PTPRG: variants seen among roughly 807,000 people sequenced by gnomAD.
The protein encoded by PTPRG is receptor-type tyrosine-protein phosphatase gamma.
PTPRG carries 102 observed loss-of-function variants against 165.3 expected under a neutral mutation model. The ratio of observed to expected loss-of-function variants is 0.62; its 90% confidence interval spans 0.53 to 0.73. The LOEUF is 0.73. Among genes scored for constraint, PTPRG ranks in the 30% least tolerant of loss-of-function variants. PTPRG has a pLI of 0.00. For missense variants in PTPRG, 1,866 were observed against 1,861.4 expected (o/e 1.00, Z -0.05); for synonymous variants, 675 against 669.5 (o/e 1.01, Z -0.13).
At chr3:62,147,568 C>A (rs773132780) in intron 6 of PTPRG, among the ~76,000 whole-genome samples, 2 of 152,080 alleles carry the variant, frequency 1.3e-5, no homozygotes, top group African/African-American at 4.8e-5. Flanking sequence ...CAACATGTTT[C>A]CTTTATTAGT....
intron 2 of PTPRG, among the ~76,000 whole-genome samples, chr3:61,947,662 G>C (rs1168451305): frequency 6.6e-6 from 1 of 152,182 alleles, no homozygotes; most frequent in Non-Finnish European, 1.5e-5. Flanking sequence ...TCCTGCCTCT[G>C]CCTGGGTTGG....
At chr3:61,761,510 G>A (rs1270428689) in intron 2 of PTPRG, among the ~76,000 whole-genome samples, 1 of 152,162 alleles carries the variant, frequency 6.6e-6, no homozygotes, top group Non-Finnish European at 1.5e-5. Flanking sequence ...CCCTGGAGGT[G>A]GAGGTTGCAG....
intron 5 of PTPRG, among the ~76,000 whole-genome samples, chr3:62,088,516 A>T (rs1389423234): frequency 6.6e-6 from 1 of 152,258 alleles, no homozygotes; most frequent in Non-Finnish European, 1.5e-5. Context: ...CTTGCATGCC[A>T]AAATATTTAA....
At chr3:62,141,665 C>T (rs1188456864) in intron 6 of PTPRG, among the ~76,000 whole-genome samples, 1 of 150,742 alleles carries the variant, frequency 6.6e-6, no homozygotes, top group East Asian at 2.0e-4. Flanking sequence ...TGTGGGGGGA[C>T]GAGGCTGGTG....
At chr3:62,165,298 A>G (rs1225507741) in intron 7 of PTPRG, among the ~76,000 whole-genome samples, 1 of 152,094 alleles carries the variant, frequency 6.6e-6, no homozygotes, top group Non-Finnish European at 1.5e-5. Context: ...TACTTCTCAT[A>G]TGATTTTAAG....
At chr3:61,621,047 A>ATG (rs201651526) in intron 1 of PTPRG, among the ~76,000 whole-genome samples, 34 of 97,158 alleles carry the variant, frequency 3.5e-4, no homozygotes, top group African/African-American at 1.1e-3. Context: ...ATATATATAT[A>ATG]TATATGTGTG....
At chr3:61,676,553 CACACACAA>C (rs1015144121) in intron 1 of PTPRG, among the ~76,000 whole-genome samples, 2 of 149,884 alleles carry the variant, frequency 1.3e-5, no homozygotes, top group Admixed American at 1.3e-4. Context: ...TACTTTCACA[CACACACAA>C]ACACACACAC....
intron 6 of PTPRG, among the ~76,000 whole-genome samples, chr3:62,135,006 C>T (rs1163921580): frequency 3.3e-5 from 5 of 152,106 alleles, no homozygotes; most frequent in African/African-American, 1.2e-4. Context: ...GGGGCAGTGG[C>T]TCATGCCTAT....
chr3:62,049,562 C>A (rs911520214), intron 4 of PTPRG, among the ~76,000 whole-genome samples: 1 of 3,186 alleles, frequency 3.1e-4, no homozygotes, highest in African/African-American at 4.7e-3. Context: ...TTGTCTTGCA[C>A]CCAGTATCAT....
intron 8 of PTPRG, among the ~76,000 whole-genome samples, chr3:62,182,377 A>C (rs994219316): frequency 6.6e-6 from 1 of 152,240 alleles, no homozygotes; most frequent in African/African-American, 2.4e-5. Flanking sequence ...CCAACATTTA[A>C]AATGTAAGGA....
chr3:62,189,215 T>A (rs1331451020), intron 8 of PTPRG, among the ~76,000 whole-genome samples: 2 of 152,084 alleles, frequency 1.3e-5, no homozygotes, highest in Non-Finnish European at 2.9e-5. Flanking sequence ...TCCTTCCGTT[T>A]CTGTCGCACT....
intron 2 of PTPRG, among the ~76,000 whole-genome samples, chr3:61,940,444 A>C (rs2039592160): frequency 6.6e-6 from 1 of 152,218 alleles, no homozygotes; most frequent in South Asian, 2.1e-4. Flanking sequence ...ATCTCATAGC[A>C]GTGAGGATAC....
In PTPRG at chr3:62,222,451, CTCTAAT is replaced by C. The variant is rs1700672472; in HGVS notation, c.2288+3469_2288+3474del. Reference sequence around the variant, plus strand: ...CCCCAGTGCAAAGGGAATCTTTCTTCTCTAATAGTTCCACTTAAGTCCCAACATGGC... The same window carrying C: ...CCCCAGTGCAAAGGGAATCTTTCTTCAGTTCCACTTAAGTCCCAACATGGC... On this transcript the variant is annotated intron_variant, in intron 13 of 29. Coordinates refer to ENST00000474889, the MANE Select transcript of PTPRG (RefSeq NM_002841.4). The surrounding 1 kb of genome is among the most constrained non-coding windows in gnomAD (Gnocchi z 4.5). Among the ~76,000 whole-genome samples the C allele has an allele frequency of 6.6e-6, 1 of 152,222 alleles. No individual in the cohort carries two copies. The highest frequency in any genetic ancestry group is 2.4e-5 in the African/African-American group (1 of 41,458).
intron 4 of PTPRG, among the ~76,000 whole-genome samples, chr3:62,066,788 C>A (rs1346147259): frequency 6.6e-6 from 1 of 152,082 alleles, no homozygotes; most frequent in Non-Finnish European, 1.5e-5. Context: ...GCCTGTAATC[C>A]CAGCACTTTG....
At chr3:61,718,179 AAAAC>A (rs2031893215) in intron 1 of PTPRG, among the ~76,000 whole-genome samples, 2 of 148,810 alleles carry the variant, frequency 1.3e-5, no homozygotes, top group South Asian at 4.3e-4. Context: ...GACCCTGTCT[AAAAC>A]AAAACAAAAC....
intron 1 of PTPRG, among the ~76,000 whole-genome samples, chr3:61,710,662 A>C (rs2031505431): frequency 6.6e-6 from 1 of 151,700 alleles, no homozygotes; most frequent in Admixed American, 6.6e-5. Context: ...AGTGTATTTT[A>C]TGTGTGGCCC....
chr3:61,772,102 A>G (rs2034227835), intron 2 of PTPRG, among the ~76,000 whole-genome samples: 1 of 145,370 alleles, frequency 6.9e-6, no homozygotes, highest in Admixed American at 6.9e-5. Flanking sequence ...GAATATTGTG[A>G]TGATCTCTGA....
chr3:62,296,611 T>C lies in PTPRG; in HGVS notation c.*3304T>C, dbSNP rs1703070292. 6.6e-6 allele frequency: 1 copy of C among 151,796 alleles called. No homozygotes were observed. Among genetic ancestry groups the C allele is most frequent in the Admixed American group, 6.6e-5 (1 of 15,234 alleles). 9.4% of individuals were successfully genotyped at this position (151,796 alleles called of 1,614,324 possible). A position where few individuals can be genotyped will look rare whatever the true frequency, so the allele number is the denominator to read the frequency against. ...CTATGTTCTAAAGTTTATGTTCAAATGGTGCCAGTGAATTTTTATATGAAG... is the reference window on the plus strand; with the variant it reads ...CTATGTTCTAAAGTTTATGTTCAAACGGTGCCAGTGAATTTTTATATGAAG... On this transcript the variant is annotated 3_prime_UTR_variant, in exon 30 of 30. Transcript: ENST00000474889.
At chr3:61,570,344 AT>A (rs1358848037) in intron 1 of PTPRG, among the ~76,000 whole-genome samples, 1 of 151,796 alleles carries the variant, frequency 6.6e-6, no homozygotes, top group African/African-American at 2.4e-5. Context: ...CAGTTTAGCT[AT>A]TTTTGGGGAG....
Sources: gnomAD v4.1 joint callset for allele counts (sites outside exome capture counted in the v4.1 genomes callset) on GRCh38, gnomAD v4.1.1 for gene constraint, Gnocchi (gnomAD v3.1) non-coding constraint, MANE v1.5 for transcripts, NCBI Gene and HGNC (gene_info 2026-07-23, HGNC 2026-07-21) for gene names.